Variants in KIF26B observed in about 807,000 individuals in gnomAD.
KIF26B encodes the protein kinesin family member 26B.
In KIF26B, 63 loss-of-function variants were observed where a neutral mutation model predicts 151.2. That is an observed-to-expected ratio of 0.42 (90% CI 0.34 to 0.51). KIF26B has a LOEUF of 0.51. Among genes scored for constraint, KIF26B ranks in the 20% least tolerant of loss-of-function variants. The pLI, the probability that KIF26B is intolerant of heterozygous loss-of-function variation, is 0.07. For missense variants in KIF26B, 2,813 were observed against 2,913.6 expected, an observed-to-expected ratio of 0.97 and a Z score of 0.79; for synonymous variants, 1,357 against 1,262.1, an observed-to-expected ratio of 1.08 and a Z score of -1.59.
chr1:245,537,155 G>A (rs576135036), intron 4 of KIF26B, among the ~76,000 whole-genome samples: 59 of 152,314 alleles, frequency 3.9e-4, no homozygotes, highest in Non-Finnish European at 6.9e-4. Context: ...ACATTTGAGC[G>A]AAGATTTAAA....
chr1:245,661,776 GAT>G (rs1344429539), intron 10 of KIF26B, among the ~76,000 whole-genome samples: 1 of 92,376 alleles, frequency 1.1e-5, no homozygotes, highest in Non-Finnish European at 2.3e-5. Context: ...TACACCCAAT[GAT>G]ATATATACAC....
chr1:245,609,844 G>A (rs1378674406), intron 8 of KIF26B, among the ~76,000 whole-genome samples: 1 of 152,090 alleles, frequency 6.6e-6, no homozygotes, highest in Non-Finnish European at 1.5e-5. Flanking sequence ...CAACAAACCG[G>A]AATATTTACT....
At chr1:245,671,494 G>C (rs186813156) in intron 10 of KIF26B, among the ~76,000 whole-genome samples, 2 of 152,194 alleles carry the variant, frequency 1.3e-5, no homozygotes, top group African/African-American at 4.8e-5. Context: ...GGAGTGGGGA[G>C]TTGTTACTTA....
chr1:245,466,661 C>T (rs1659798487), intron 4 of KIF26B, among the ~76,000 whole-genome samples: 1 of 152,158 alleles, frequency 6.6e-6, no homozygotes, highest in African/African-American at 2.4e-5. Context: ...CGTGGTGGCT[C>T]ACGCCTGTAA....
chr1:245,340,758 T>G (rs1299922124), intron 2 of KIF26B, among the ~76,000 whole-genome samples: 1 of 152,198 alleles, frequency 6.6e-6, no homozygotes, highest in Admixed American at 6.5e-5. Flanking sequence ...CCTTGTGATA[T>G]GTGCACTTAA....
chr1:245,470,934 T>C (rs1659899784), intron 4 of KIF26B, among the ~76,000 whole-genome samples: 1 of 152,172 alleles, frequency 6.6e-6, no homozygotes, highest in South Asian at 2.1e-4. Flanking sequence ...ATATAGTATA[T>C]ATTTTACTTG....
chr1:245,430,709 T>A (rs1347015871), intron 4 of KIF26B, among the ~76,000 whole-genome samples: 1 of 152,174 alleles, frequency 6.6e-6, no homozygotes, highest in Non-Finnish European at 1.5e-5. Context: ...TTTTGAGGGC[T>A]TCTTATATGC....
rs533929763 is a variant in KIF26B, at chr1:245,687,788, G to A, written c.4805G>A (p.Arg1602Gln). ...GGGACTCCCCCTCTGCCCCCTGTCC[G>A]AAAGTCCAGCCTGGACCAGAAGAAC... ...PKGTPPLPPVRKSSLDQKNRA... is the reference protein window; with the variant it reads ...PKGTPPLPPVQKSSLDQKNRA... The change falls in exon 12 of 15, where the codon CGA becomes CAA. Residue 1602 changes from arginine (R) to glutamine (Q), a missense_variant. By Grantham distance (43) the Arg-to-Gln change is conservative (BLOSUM62 1). Around this residue, in one of 3 missense-constraint regions of KIF26B, gnomAD observed 2,060 missense variants for 2,088.6 expected, o/e 0.99. Coordinates refer to ENST00000407071, the MANE Select transcript of KIF26B (RefSeq NM_018012.4). The surrounding 1 kb of genome is among the most constrained non-coding windows in gnomAD (Gnocchi z 4.9). The A allele has an allele frequency of 3.0e-5, 47 of 1,587,440 alleles. No individual in the cohort carries two copies. Among genetic ancestry groups the A allele is most frequent in the South Asian group, 2.9e-4 (25 of 86,684 alleles).
In KIF26B at chr1:245,219,727, C is replaced by A. The variant is rs148029999; in HGVS notation, c.465+63044C>A. On this transcript the variant is annotated intron_variant, in intron 2 of 14. Transcript: ENST00000407071. ...CTAGCCTGCGCAACAGAGTGAGATC[C>A]TGTCCCCTCCACCCCAAAAAAAAGA... Among the ~76,000 whole-genome samples, 96 of 152,208 alleles carry A rather than the reference C, an allele frequency of 6.3e-4. 2 individuals are homozygous for A. The highest frequency in any genetic ancestry group is 2.3e-3 in the African/African-American group (94 of 41,542).
At chr1:245,543,417 C>A (rs939394412) in intron 5 of KIF26B, among the ~76,000 whole-genome samples, 5 of 152,130 alleles carry the variant, frequency 3.3e-5, no homozygotes, top group Non-Finnish European at 7.4e-5. Context: ...TTAAAGATAT[C>A]TCTCTCACTG....
intron 4 of KIF26B, among the ~76,000 whole-genome samples, chr1:245,496,466 AATC>A (rs1266792671): frequency 2.6e-5 from 4 of 152,222 alleles, no homozygotes; most frequent in African/African-American, 9.6e-5. Context: ...AGTGTAATAA[AATC>A]ATAACATCTG....
intron 2 of KIF26B, among the ~76,000 whole-genome samples, chr1:245,163,935 G>C (rs1298456199): frequency 6.6e-6 from 1 of 152,120 alleles, no homozygotes; most frequent in African/African-American, 2.4e-5. Flanking sequence ...TTCAAATACA[G>C]ATATCATTAC....
intron 5 of KIF26B, among the ~76,000 whole-genome samples, chr1:245,550,791 A>G (rs1661863880): frequency 6.6e-6 from 1 of 152,240 alleles, no homozygotes; most frequent in African/African-American, 2.4e-5. Context: ...CTAAGTTGCT[A>G]CAAGCTCTTT....
intron 9 of KIF26B, among the ~76,000 whole-genome samples, chr1:245,635,222 C>T (rs1415360979): frequency 2.6e-5 from 4 of 151,246 alleles, no homozygotes; most frequent in African/African-American, 9.7e-5. Context: ...TTATTTCTTC[C>T]TTAAATGGTG....
At chr1:245,451,098 C>T (rs908043442) in intron 4 of KIF26B, among the ~76,000 whole-genome samples, 1 of 151,738 alleles carries the variant, frequency 6.6e-6, no homozygotes, top group African/African-American at 2.4e-5. Context: ...TTTCTATTTG[C>T]TACCTCATTT....
At chr1:245,542,510 T>G (rs1400713899) in intron 5 of KIF26B, among the ~76,000 whole-genome samples, 1 of 152,172 alleles carries the variant, frequency 6.6e-6, no homozygotes, top group Non-Finnish European at 1.5e-5. Context: ...TGGCCTGGGC[T>G]GTCTACAGGG....
intron 10 of KIF26B, among the ~76,000 whole-genome samples, chr1:245,672,199 C>T (rs1212942697): frequency 6.6e-6 from 1 of 152,178 alleles, no homozygotes; most frequent in Non-Finnish European, 1.5e-5. Flanking sequence ...GGCATCGGCG[C>T]TTCACCAGGC....
chr1:245,163,707 G>A (rs1668569325), intron 2 of KIF26B, among the ~76,000 whole-genome samples: 1 of 152,100 alleles, frequency 6.6e-6, no homozygotes, highest in Non-Finnish European at 1.5e-5. Context: ...TCTTCATATA[G>A]GCTTTGCACA....
At chr1:245,609,601 C>T (rs188421890) in intron 8 of KIF26B, 73 bp downstream of exon 8, 29 of 1,408,576 alleles carry the variant, frequency 2.1e-5, no homozygotes, top group Admixed American at 1.8e-4. Context: ...CAGCTCCACC[C>T]GTGAATCACT....
Sources: gnomAD v4.1 joint callset for allele counts (sites outside exome capture counted in the v4.1 genomes callset) on GRCh38, gnomAD v4.1.1 for gene constraint, gnomAD v4.1.1 regional missense constraint, Gnocchi (gnomAD v3.1) non-coding constraint, MANE v1.5 for transcripts, NCBI Gene and HGNC (gene_info 2026-07-23, HGNC 2026-07-21) for gene names.